Variants in HECTD2 observed in about 807,000 individuals in gnomAD.
HECTD2 encodes HECT domain E3 ubiquitin protein ligase 2.
Under a neutral mutation model 103.2 loss-of-function variants are expected in HECTD2, and 35 were observed. The ratio of observed to expected loss-of-function variants is 0.34; its 90% CI spans 0.26 to 0.45. The LOEUF (loss-of-function observed/expected upper bound fraction) is 0.45, where lower values mean the gene tolerates loss of function less well. Among genes scored for constraint, HECTD2 ranks in the 20% least tolerant of loss-of-function variants. HECTD2 has a pLI of 1.00. For missense variants in HECTD2, 596 were observed against 937.4 expected, an observed-to-expected ratio of 0.64 and a Z score of 4.76; for synonymous variants, 281 against 329.9, an observed-to-expected ratio of 0.85 and a Z score of 1.61.
chr10:91,473,258 T>A (rs1013677268), intron 5 of HECTD2, among the ~76,000 whole-genome samples: 3 of 152,208 alleles, frequency 2.0e-5, no homozygotes, highest in Non-Finnish European at 4.4e-5. Flanking sequence ...TATTTGGCTG[T>A]CAGCAGACTG....
intron 2 of HECTD2, among the ~76,000 whole-genome samples, chr10:91,446,007 C>T (rs1025629116): frequency 6.6e-6 from 1 of 151,828 alleles, no homozygotes; most frequent in Non-Finnish European, 1.5e-5. Flanking sequence ...TTTTTATAAC[C>T]CAGTGGCGCC....
chr10:91,409,611 G>A (rs1392427307), upstream of HECTD2, among the ~76,000 whole-genome samples: 5 of 152,084 alleles, frequency 3.3e-5, no homozygotes, highest in Non-Finnish European at 7.4e-5. Context: ...TATGGGGGAA[G>A]GGGAAAGGGG....
Position 91,487,386 on chromosome 10 carries a change from AG to A in HECTD2, c.1095-294del. On this transcript the variant is annotated intron_variant, in intron 10 of 20. Coordinates refer to ENST00000298068, the MANE Select transcript of HECTD2 (RefSeq NM_182765.6). The surrounding 1 kb of genome is among the most constrained non-coding windows in gnomAD (Gnocchi z 4.1). ...TTCTGGTATTGGCCATGTTGTTCAC[AG>A]GTGATGATATACAATGAAATTATTT... 2.9e-6 allele frequency: 1 copy of A among 345,434 alleles called. No homozygotes were observed. The highest frequency in any genetic ancestry group is 5.6e-6 in the Non-Finnish European group (1 of 179,038). The allele number at this position is 345,434 out of a possible 1,614,324, so 21.4% of individuals were successfully genotyped here.
chr10:91,487,869 A>G lies in HECTD2; in HGVS notation c.1191+91A>G. ...ATTTAAATGTCTTGTGAATTGTTCT[A>G]GCATAATCAGGAATGTTAAAAGCAA... On this transcript the variant is annotated intron_variant, in intron 11 of 20. Coordinates refer to ENST00000298068, the MANE Select transcript of HECTD2 (RefSeq NM_182765.6). This position sits in a 1 kb window ranked among gnomAD's most constrained non-coding sequence, Gnocchi z 4.1. 1.2e-6 allele frequency: 1 copy of G among 800,594 alleles called. No individual in the cohort carries two copies. The highest frequency in any genetic ancestry group is 1.9e-6 in the Non-Finnish European group (1 of 523,912). The allele number at this position is 800,594 out of a possible 1,614,324, so 49.6% of individuals were successfully genotyped here.
chr10:91,491,156 T>C, intron 11 of HECTD2, 44 bp from the exon 12 acceptor site: 1 of 881,134 alleles, frequency 1.1e-6, no homozygotes, highest in Non-Finnish European at 1.9e-6. Context: ...AATGAAATTA[T>C]AGTCTAAGTA....
chr10:91,461,210 TA>T, intron 3 of HECTD2, 43 bp from the exon 4 acceptor site: 1 of 857,372 alleles, frequency 1.2e-6, no homozygotes, highest in Non-Finnish European at 1.8e-6. Context: ...TTTATCTGAA[TA>T]ATATTTCTAT....
intron 5 of HECTD2, among the ~76,000 whole-genome samples, chr10:91,474,933 G>A (rs549491466): frequency 9.9e-5 from 15 of 152,234 alleles, no homozygotes; most frequent in South Asian, 8.3e-4. Flanking sequence ...TGAGAGCAGC[G>A]CACTAACAGA....
At chr10:91,466,362 A>G (rs113344259) in intron 5 of HECTD2, among the ~76,000 whole-genome samples, 8 of 152,268 alleles carry the variant, frequency 5.3e-5, no homozygotes, top group African/African-American at 1.9e-4. Flanking sequence ...TCAAAAAAAA[A>G]TCAGCATTTT....
chr10:91,492,334 TA>T lies in HECTD2; in HGVS notation c.1300-17del. 6.2e-7 allele frequency: 1 copy of T among 1,606,490 alleles called. No individual in the cohort carries two copies. Among genetic ancestry groups the T allele is most frequent in the Non-Finnish European group, 8.5e-7 (1 of 1,173,418 alleles). On this transcript the variant is annotated splice_polypyrimidine_tract_variant and intron_variant, in intron 12 of 20. Transcript: ENST00000298068. Reference sequence around the variant, plus strand: ...CACTGCTCTTTGTTCTCCTCTACTGTATAATATCTTCAAATAGCTAACCCGG... The same window carrying T: ...CACTGCTCTTTGTTCTCCTCTACTGTTAATATCTTCAAATAGCTAACCCGG...
chr10:91,501,776 C>T (rs1846909477), intron 20 of HECTD2, among the ~76,000 whole-genome samples: 1 of 149,752 alleles, frequency 6.7e-6, no homozygotes, highest in Non-Finnish European at 1.5e-5. Context: ...AATACTAATC[C>T]TCTTTTTTTT....
Position 91,487,515 on chromosome 10 carries a change from GC to G in HECTD2, c.1095-166del, listed in dbSNP as rs1200182184. ...CTAGTAATGATACATTCTTCACATG[GC>G]TGTGAGAATTAAAAGAAATTATACA... is the stretch of plus-strand genomic sequence containing the variant. On this transcript the variant is annotated intron_variant, in intron 10 of 20. Coordinates refer to ENST00000298068, the MANE Select transcript of HECTD2 (RefSeq NM_182765.6). This position sits in a 1 kb window ranked among gnomAD's most constrained non-coding sequence, Gnocchi z 4.1. The G allele has an allele frequency of 3.0e-6, 2 of 669,422 alleles. No homozygotes were observed. The highest frequency in any genetic ancestry group is 3.6e-5 in the African/African-American group (2 of 55,996). The allele number at this position is 669,422 out of a possible 1,614,324, so 41.5% of individuals were successfully genotyped here.
rs535638320 is a variant in HECTD2 at position 91,427,767 on chromosome 10, G to C, written c.268+2357G>C. On this transcript the variant is annotated intron_variant, in intron 2 of 20. Transcript: ENST00000298068. ...ATATTAGCCCTTTGTCAGATGAGTA[G>C]GTTGCGAAAATTTTCTCCCATTTTG... Among the ~76,000 whole-genome samples, 906 of 152,120 alleles carry C rather than the reference G, an allele frequency of 6.0e-3. 4 individuals carry two copies. Among genetic ancestry groups the C allele is most frequent in the African/African-American group, 0.021 (871 of 41,480 alleles).
At chr10:91,438,847 C>T (rs1564707311) in intron 2 of HECTD2, among the ~76,000 whole-genome samples, 1 of 152,086 alleles carries the variant, frequency 6.6e-6, no homozygotes, top group East Asian at 1.9e-4. Flanking sequence ...AGCTTTTTTT[C>T]ATATGTTTGT....
chr10:91,493,513 CCTTTAAA>C lies in HECTD2; in HGVS notation c.1521+10_1521+16del. The C allele has an allele frequency of 2.0e-6, 3 of 1,464,116 alleles. No individual in the cohort carries two copies. Among genetic ancestry groups the C allele is most frequent in the Non-Finnish European group, 2.8e-6 (3 of 1,079,008 alleles). 90.7% of individuals were successfully genotyped at this position (1,464,116 alleles called of 1,614,324 possible). On this transcript the variant is annotated splice_donor_region_variant and intron_variant, in intron 14 of 20. Coordinates refer to ENST00000298068, the MANE Select transcript of HECTD2 (RefSeq NM_182765.6). ...GAATTCCGATTGGTTGGAATTGTATCCTTTAAACTTTCCACTAGGAGGTGCTAATAGA... is the reference window on the plus strand; with the variant it reads ...GAATTCCGATTGGTTGGAATTGTATCCTTTCCACTAGGAGGTGCTAATAGA...
At chr10:91,411,850 T>A (rs965539759) in intron 1 of HECTD2, among the ~76,000 whole-genome samples, 1 of 152,154 alleles carries the variant, frequency 6.6e-6, no homozygotes, top group African/African-American at 2.4e-5. Flanking sequence ...TACCCTAGGT[T>A]TTCAGATTTT....
chr10:91,415,749 G>A (rs1388458428), intron 1 of HECTD2, among the ~76,000 whole-genome samples: 116 of 152,290 alleles, frequency 7.6e-4, no homozygotes, highest in African/African-American at 2.8e-3. Context: ...AAAAGAGCAT[G>A]TTGTCCAGTA....
intron 1 of HECTD2, among the ~76,000 whole-genome samples, chr10:91,421,447 G>A (rs751337407): frequency 3.3e-5 from 5 of 152,092 alleles, no homozygotes; most frequent in Non-Finnish European, 7.4e-5. Context: ...TGGAAGAATT[G>A]TCTTGTGTCA....
chr10:91,471,309 A>G lies in HECTD2; in HGVS notation c.601-6892A>G, dbSNP rs141587418. 3.4e-4 allele frequency among the ~76,000 whole-genome samples: 52 copies of G among 152,344 alleles called. No individual in the cohort carries two copies. The East Asian group carries it at 9.5e-3, about 28-fold the overall frequency. On this transcript the variant is annotated intron_variant, in intron 5 of 20. Transcript: ENST00000298068. The stretch of plus-strand genomic sequence containing the variant: ...AAAACCCTCCACAACTAGGCATTGA[A>G]GGAACATGCCTCAAAATAATAGGAA...
chr10:91,417,383 T>TA (rs1368985379), intron 1 of HECTD2, among the ~76,000 whole-genome samples: 2 of 152,078 alleles, frequency 1.3e-5, no homozygotes, highest in Non-Finnish European at 1.5e-5. Context: ...TCTTTTTTTT[T>TA]ATTACACTTT....
Sources: allele counts gnomAD v4.1 joint callset (sites outside exome capture counted in the v4.1 genomes callset), GRCh38; gene constraint gnomAD v4.1.1; non-coding constraint Gnocchi (gnomAD v3.1); transcripts MANE v1.5; gene names NCBI Gene and HGNC (gene_info 2026-07-23, HGNC 2026-07-21).